The following LRP1B variants were observed in gnomAD, a reference collection of about 807,000 sequenced individuals.
The protein encoded by LRP1B is low-density lipoprotein receptor-related protein 1B.
In LRP1B, 217 loss-of-function variants were observed where a neutral mutation model predicts 556.6. The observed-to-expected ratio is 0.39, with a 90% CI of 0.35 to 0.44. The LOEUF is 0.44. Ranked by LOEUF, LRP1B falls within the 20% of genes least tolerant of loss-of-function variation. The probability of loss-of-function intolerance (pLI) is 1.00; values close to 1 mark genes in which losing one functional copy is unlikely to be tolerated. For synonymous variants in LRP1B, 2,047 were observed against 1,865.8 expected, an observed-to-expected ratio of 1.10 and a Z score of -2.50; for missense variants, 5,053 against 5,620.8, an observed-to-expected ratio of 0.90 and a Z score of 3.23.
At chr2:142,108,223 A>G (rs1418756465) in intron 1 of LRP1B, among the ~76,000 whole-genome samples, 5 of 151,956 alleles carry the variant, frequency 3.3e-5, no homozygotes, top group African/African-American at 1.2e-4. Flanking sequence ...AATAAAGCAG[A>G]CATGTTCTCT....
At chr2:141,196,011 G>A (rs1168542187) in intron 6 of LRP1B, among the ~76,000 whole-genome samples, 1 of 151,988 alleles carries the variant, frequency 6.6e-6, no homozygotes, top group Non-Finnish European at 1.5e-5. Context: ...TGAGAAGCAG[G>A]GGTAAAGGGG....
At chr2:141,347,260 T>G (rs1688285981) in intron 3 of LRP1B, among the ~76,000 whole-genome samples, 1 of 152,084 alleles carries the variant, frequency 6.6e-6, no homozygotes, top group Non-Finnish European at 1.5e-5. Flanking sequence ...ATTTTCCAGT[T>G]TATTTGTATT....
At position 140,598,773 on chromosome 2, in the gene LRP1B, C is replaced by T. The variant is rs754303795; in HGVS notation, c.7052G>A (p.Gly2351Glu). ...ACTGACCACCACTTGAGCATTTTTC[C>T]CAGTCAGAGTAGATCTCATGATACT... ...HPSIMRSTLT[G>E]KNAQVVVSTD... is the part of the protein sequence containing the mutation. The change falls in exon 43 of 91, where the codon GGG (glycine) becomes GAG (glutamate). Residue 2351 changes from glycine to glutamate, a missense_variant. By Grantham distance (98) the Gly-to-Glu change is moderately conservative. Coordinates refer to ENST00000389484, the MANE Select transcript of LRP1B (RefSeq NM_018557.3). The T allele has an allele frequency of 6.2e-7, 1 of 1,612,690 alleles. No homozygotes were observed. Among genetic ancestry groups the T allele is most frequent in the South Asian group, 1.1e-5 (1 of 91,046 alleles).
intron 7 of LRP1B, among the ~76,000 whole-genome samples, chr2:141,170,853 A>G (rs1374064266): frequency 6.6e-6 from 1 of 152,134 alleles, no homozygotes; most frequent in Non-Finnish European, 1.5e-5. Context: ...GTGAAATTGG[A>G]TTGTAACTGA....
intron 2 of LRP1B, among the ~76,000 whole-genome samples, chr2:141,623,254 A>C (rs1230352480): frequency 1.3e-5 from 2 of 152,210 alleles, no homozygotes; most frequent in African/African-American, 4.8e-5. Context: ...AATTAATGAA[A>C]CCACATTCTT....
intron 14 of LRP1B, 71 bp from the exon 15 acceptor site, chr2:141,005,528 G>A (rs1697548495): frequency 2.1e-6 from 3 of 1,443,280 alleles, no homozygotes; most frequent in Admixed American, 3.5e-5. Flanking sequence ...GAACATAGAT[G>A]TAATTACATA....
intron 41 of LRP1B, among the ~76,000 whole-genome samples, chr2:140,605,290 C>G (rs1038632824): frequency 3.3e-5 from 5 of 152,048 alleles, no homozygotes; most frequent in African/African-American, 1.2e-4. Flanking sequence ...GCAGCCCAGG[C>G]AAAGAGCCTA....
At chr2:141,423,232 T>C (rs542766587) in intron 3 of LRP1B, among the ~76,000 whole-genome samples, 4 of 151,224 alleles carry the variant, frequency 2.6e-5, no homozygotes, top group Non-Finnish European at 5.9e-5. Context: ...ATGACTATAC[T>C]ATACCTATCT....
At chr2:141,668,827 A>C (rs1407011506) in intron 2 of LRP1B, among the ~76,000 whole-genome samples, 1 of 152,138 alleles carries the variant, frequency 6.6e-6, no homozygotes, top group Non-Finnish European at 1.5e-5. Context: ...TGGGAGTTGC[A>C]GGCATCCACC....
intron 1 of LRP1B, among the ~76,000 whole-genome samples, chr2:141,891,866 A>G (rs1291642835): frequency 2.0e-5 from 3 of 152,236 alleles, no homozygotes; most frequent in South Asian, 4.1e-4. Context: ...TAATACTTTA[A>G]TATTTTTTTC....
chr2:141,553,215 G>A (rs565950101), intron 2 of LRP1B, among the ~76,000 whole-genome samples: 2 of 151,992 alleles, frequency 1.3e-5, no homozygotes, highest in East Asian at 3.9e-4. Context: ...AGATAAGGAA[G>A]AGGGCGTTTT....
chr2:140,769,654 T>C (rs907519969), intron 34 of LRP1B, among the ~76,000 whole-genome samples: 1 of 151,944 alleles, frequency 6.6e-6, no homozygotes, highest in Non-Finnish European at 1.5e-5. Context: ...ATGATGATGC[T>C]GGTACGGGCC....
At chr2:141,944,085 C>T (rs1700890220) in intron 1 of LRP1B, among the ~76,000 whole-genome samples, 1 of 152,004 alleles carries the variant, frequency 6.6e-6, no homozygotes, top group African/African-American at 2.4e-5. Flanking sequence ...GGAGGTTCTC[C>T]GGGGACCCGT....
At chr2:141,441,804 A>G (rs562465610) in intron 3 of LRP1B, among the ~76,000 whole-genome samples, 4 of 152,348 alleles carry the variant, frequency 2.6e-5, no homozygotes, top group South Asian at 2.1e-4. Flanking sequence ...AAGATTTTCA[A>G]TAATGCAAGT....
intron 79 of LRP1B, among the ~76,000 whole-genome samples, chr2:140,333,264 A>T (rs186496195): frequency 1.3e-5 from 2 of 152,210 alleles, no homozygotes; most frequent in African/African-American, 4.8e-5. Context: ...CATAACTAAA[A>T]TAGTACCTCC....
At chr2:141,236,541 T>A (rs1217458896) in intron 5 of LRP1B, among the ~76,000 whole-genome samples, 1 of 152,172 alleles carries the variant, frequency 6.6e-6, no homozygotes, top group African/African-American at 2.4e-5. Flanking sequence ...TTTTCCAGCA[T>A]GGTAACTATA....
chr2:141,451,182 T>C (rs991546486), intron 3 of LRP1B, among the ~76,000 whole-genome samples: 1 of 152,186 alleles, frequency 6.6e-6, no homozygotes, highest in South Asian at 2.1e-4. Context: ...GAGTGTTTGC[T>C]TGCAGCCAAG....
At chr2:140,333,511 A>T (rs1463772872) in intron 79 of LRP1B, among the ~76,000 whole-genome samples, 4 of 152,082 alleles carry the variant, frequency 2.6e-5, no homozygotes, top group African/African-American at 9.7e-5. Context: ...AATTTCAAAT[A>T]TTGCTTCTCC....
intron 3 of LRP1B, among the ~76,000 whole-genome samples, chr2:141,419,165 C>G (rs1049744094): frequency 1.3e-5 from 2 of 151,996 alleles, no homozygotes; most frequent in African/African-American, 4.8e-5. Flanking sequence ...CAGTGGGCAT[C>G]CTCTTAATGT....
Sources: allele counts gnomAD v4.1 joint callset (sites outside exome capture counted in the v4.1 genomes callset), GRCh38; gene constraint gnomAD v4.1.1; transcripts MANE v1.5; gene names NCBI Gene and HGNC (gene_info 2026-07-23, HGNC 2026-07-21).